DLC1: variants seen among roughly 807,000 people sequenced by gnomAD.
DLC1 encodes rho GTPase-activating protein 7.
In DLC1, 54 loss-of-function variants were observed where a neutral mutation model predicts 140.3. That is an observed-to-expected ratio of 0.38 (90% CI 0.31 to 0.48). The LOEUF (loss-of-function observed/expected upper bound fraction) is 0.48, where lower values mean the gene tolerates loss of function less well. DLC1 is among the 20% of genes least tolerant of loss of function. The pLI is 0.96. For synonymous variants in DLC1, 986 were observed against 728.1 expected (o/e 1.35, Z -5.70); for missense variants, 2,536 against 1,907.0 (o/e 1.33, Z -6.14).
chr8:13,329,970 AT>A (rs1563258351), intron 4 of DLC1, among the ~76,000 whole-genome samples: 1 of 151,910 alleles, frequency 6.6e-6, no homozygotes, highest in Admixed American at 6.6e-5. Context: ...TTTTATTTTT[AT>A]TTTTACATTT....
intron 2 of DLC1, among the ~76,000 whole-genome samples, chr8:13,459,965 C>T (rs549930708): frequency 5.9e-5 from 9 of 152,250 alleles, no homozygotes; most frequent in African/African-American, 2.2e-4. Context: ...CCTCCTGGTT[C>T]TTCTCTGCCT....
intron 1 of DLC1, among the ~76,000 whole-genome samples, 163 bp downstream of exon 1, chr8:13,514,439 C>T (rs1174639146): frequency 6.6e-6 from 1 of 152,164 alleles, no homozygotes; most frequent in Non-Finnish European, 1.5e-5. Context: ...AACGAATTGA[C>T]TCAGAATTTT....
intron 4 of DLC1, among the ~76,000 whole-genome samples, chr8:13,350,719 A>G (rs1396018376): frequency 6.6e-6 from 1 of 151,882 alleles, no homozygotes; most frequent in Non-Finnish European, 1.5e-5. Flanking sequence ...CGATCTTAAA[A>G]AATAAATAAA....
At chr8:13,571,756 T>C (rs2410089) in intron 1 of DLC1, among the ~76,000 whole-genome samples, 8 of 152,228 alleles carry the variant, frequency 5.3e-5, no homozygotes, top group Admixed American at 2.6e-4. Context: ...GTGGTAATTC[T>C]ATGTTTAGCT....
At chr8:13,446,018 G>C (rs1443993946) in intron 2 of DLC1, among the ~76,000 whole-genome samples, 1 of 152,140 alleles carries the variant, frequency 6.6e-6, no homozygotes, top group Non-Finnish European at 1.5e-5. Context: ...ATAGTGATCA[G>C]CTCACGGGCA....
intron 5 of DLC1, among the ~76,000 whole-genome samples, chr8:13,180,354 C>T (rs1825964925): frequency 2.6e-5 from 4 of 152,186 alleles, no homozygotes; most frequent in Admixed American, 2.0e-4. Flanking sequence ...TGTCACACAG[C>T]ACAATGGCTT....
At chr8:13,221,243 A>G (rs545996026) in intron 5 of DLC1, among the ~76,000 whole-genome samples, 1 of 152,202 alleles carries the variant, frequency 6.6e-6, no homozygotes, top group African/African-American at 2.4e-5. Flanking sequence ...ATGATTACGC[A>G]GACAGCACAC....
chr8:13,577,719 C>T (rs1219065300), intron 1 of DLC1, among the ~76,000 whole-genome samples: 2 of 152,022 alleles, frequency 1.3e-5, no homozygotes, highest in African/African-American at 2.4e-5. Flanking sequence ...GCTTTTGTTT[C>T]CTCCTTGGTA....
At position 13,531,781 on chromosome 8, in the gene DLC1, C is replaced by T. The variant is rs543828043; in HGVS notation, c.-125-31585G>A. On this transcript the variant is annotated intron_variant, in intron 1 of 1. Coordinates refer to the DLC1 transcript ENST00000631382. Reference sequence around the variant, plus strand: ...ATCAGTGCTATGTTTGATGAAAACACGAGCCATCCTCACCTCAGCTATCTC... The same window carrying T: ...ATCAGTGCTATGTTTGATGAAAACATGAGCCATCCTCACCTCAGCTATCTC... Among the ~76,000 whole-genome samples the T allele has an allele frequency of 3.0e-4, 45 of 152,192 alleles. 1 individual carries two copies. The South Asian group carries it at 8.3e-3, about 28-fold the overall frequency.
chr8:13,396,647 T>C (rs1348895212), intron 3 of DLC1, among the ~76,000 whole-genome samples: 1 of 152,150 alleles, frequency 6.6e-6, no homozygotes, highest in African/African-American at 2.4e-5. Context: ...AGAGTTCAGG[T>C]GTGTCTGACC....
intron 5 of DLC1, among the ~76,000 whole-genome samples, chr8:13,136,343 C>A (rs1197945054): frequency 6.6e-6 from 1 of 152,122 alleles, no homozygotes; most frequent in East Asian, 1.9e-4. Context: ...CCTCTCTCCC[C>A]ACTCTAGTAG....
intron 5 of DLC1, among the ~76,000 whole-genome samples, chr8:13,136,521 T>C (rs547791386): frequency 1.3e-5 from 2 of 152,346 alleles, no homozygotes; most frequent in Middle Eastern, 3.4e-3. Flanking sequence ...ATTTCATTCT[T>C]GTTTTTGAGA....
intron 1 of DLC1, among the ~76,000 whole-genome samples, chr8:13,593,708 T>G (rs1271502335): frequency 6.6e-6 from 1 of 152,128 alleles, no homozygotes; most frequent in East Asian, 1.9e-4. Context: ...GAAAACAACC[T>G]TATTTGAAAA....
At chr8:13,245,155 C>G (rs1829709667) in intron 5 of DLC1, among the ~76,000 whole-genome samples, 1 of 152,168 alleles carries the variant, frequency 6.6e-6, no homozygotes, top group Non-Finnish European at 1.5e-5. Flanking sequence ...TTTAAGAGGT[C>G]TGACTGCCCT....
At chr8:13,341,786 C>T (rs1294703139) in intron 4 of DLC1, 1 of 152,164 alleles carries the variant, frequency 6.6e-6, no homozygotes. Flanking sequence ...CAGGGAAGGA[C>T]AGGCCCCATC....
intron 5 of DLC1, among the ~76,000 whole-genome samples, chr8:13,265,198 C>G (rs1411334423): frequency 6.6e-6 from 1 of 152,050 alleles, no homozygotes; most frequent in Non-Finnish European, 1.5e-5. Context: ...AAATTATGGT[C>G]TTTTATTAAT....
intron 5 of DLC1, among the ~76,000 whole-genome samples, chr8:13,245,927 C>T (rs917871325): frequency 6.6e-6 from 1 of 152,062 alleles, no homozygotes; most frequent in Admixed American, 6.6e-5. Flanking sequence ...GTCTTGAACT[C>T]CTGACCTCAA....
At chr8:13,245,271 A>G (rs1170952910) in intron 5 of DLC1, among the ~76,000 whole-genome samples, 1 of 152,170 alleles carries the variant, frequency 6.6e-6, no homozygotes, top group Non-Finnish European at 1.5e-5. Flanking sequence ...GGCACTAAAG[A>G]CACCTCTATG....
intron 1 of DLC1, among the ~76,000 whole-genome samples, chr8:13,525,882 A>G (rs1237079396): frequency 6.6e-6 from 1 of 152,176 alleles, no homozygotes; most frequent in Non-Finnish European, 1.5e-5. Context: ...GTCTCATGGC[A>G]AAAAGATCTC....
Sources: gnomAD v4.1 joint callset for allele counts (sites outside exome capture counted in the v4.1 genomes callset) on GRCh38, gnomAD v4.1.1 for gene constraint, MANE v1.5 for transcripts, NCBI Gene and HGNC (gene_info 2026-07-23, HGNC 2026-07-21) for gene names.